The following BRD10 variants were observed in gnomAD, a reference collection of about 807,000 sequenced individuals.
BRD10 encodes the protein uncharacterized bromodomain-containing protein 10.
the BRD10 span, among the ~76,000 whole-genome samples, chr9:5,981,911 C>T: frequency 6.6e-6 from 1 of 152,046 alleles, no homozygotes. Context: ...AGATAAAAGA[C>T]CATACTTTGG....
At chr9:5,913,154 T>C in the BRD10 span, among the ~76,000 whole-genome samples, 5 of 152,188 alleles carry the variant, frequency 3.3e-5, no homozygotes, top group Non-Finnish European at 7.3e-5. Context: ...CTGCCCAGGT[T>C]AAAGTCAGTG....
chr9:5,978,909 G>A, the BRD10 span, among the ~76,000 whole-genome samples: 1 of 152,294 alleles, frequency 6.6e-6, no homozygotes, highest in East Asian at 1.9e-4. Context: ...TTACCTGTGA[G>A]GGGGTTTGAG....
At chr9:5,880,853 C>T in the BRD10 span, among the ~76,000 whole-genome samples, 10 of 151,934 alleles carry the variant, frequency 6.6e-5, no homozygotes, top group African/African-American at 1.9e-4. Context: ...TACAGGCGTG[C>T]GCCACCACGC....
the BRD10 span, among the ~76,000 whole-genome samples, chr9:5,907,663 T>C: frequency 6.6e-6 from 1 of 152,176 alleles, no homozygotes; most frequent in Non-Finnish European, 1.5e-5. Context: ...AATTTTAAAA[T>C]TACATATGGC....
the BRD10 span, chr9:6,007,788 G>A: frequency 1.3e-6 from 2 of 1,530,354 alleles, no homozygotes; most frequent in South Asian, 1.2e-5. Context: ...GCACACTCAT[G>A]CCCCGGCAGG....
At chr9:5,961,096 C>A in the BRD10 span, among the ~76,000 whole-genome samples, 1 of 152,108 alleles carries the variant, frequency 6.6e-6, no homozygotes, top group African/African-American at 2.4e-5. Flanking sequence ...AGTATATTCC[C>A]ACACAATGCA....
At chr9:5,995,637 G>C in the BRD10 span, among the ~76,000 whole-genome samples, 81 of 152,200 alleles carry the variant, frequency 5.3e-4, no homozygotes, top group Non-Finnish European at 5.6e-4. Flanking sequence ...GTTAGGAAAT[G>C]CAAAGGGTAT....
chr9:5,971,553 A>G, the BRD10 span, among the ~76,000 whole-genome samples: 1 of 152,220 alleles, frequency 6.6e-6, no homozygotes, highest in Non-Finnish European at 1.5e-5. Context: ...ACTTTGGCAA[A>G]TATCACAACT....
the BRD10 span, among the ~76,000 whole-genome samples, chr9:5,890,079 T>C: frequency 6.6e-6 from 1 of 152,148 alleles, no homozygotes; most frequent in East Asian, 1.9e-4. Context: ...GACCTGTGCC[T>C]AAAGACTCTT....
At chr9:5,941,209 A>T in the BRD10 span, among the ~76,000 whole-genome samples, 2 of 140,240 alleles carry the variant, frequency 1.4e-5, no homozygotes, top group African/African-American at 6.3e-5. Context: ...TTTCAAGTAC[A>T]ATAAGATCAG....
At chr9:5,988,505 C>A in the BRD10 span, 547 of 1,613,916 alleles carry the variant, frequency 3.4e-4, 4 homozygotes, top group Admixed American at 8.8e-3. Flanking sequence ...CCATAATAGC[C>A]TCTAGATGTA....
At chr9:5,952,174 C>T in the BRD10 span, among the ~76,000 whole-genome samples, 5 of 152,088 alleles carry the variant, frequency 3.3e-5, no homozygotes, top group Admixed American at 3.3e-4. Flanking sequence ...GCACATGCCA[C>T]CACACCCGGC....
chr9:5,921,717 G>T, the BRD10 span: 1 of 1,613,842 alleles, frequency 6.2e-7, no homozygotes, highest in Admixed American at 1.7e-5. Flanking sequence ...GCATTGTTTT[G>T]TCCAAAATTT....
chr9:5,965,056 T>TAAAAAAAAA, the BRD10 span, among the ~76,000 whole-genome samples: 34 of 118,204 alleles, frequency 2.9e-4, no homozygotes, highest in Non-Finnish European at 4.0e-4. Flanking sequence ...TAAAGTATAA[T>TAAAAAAAAA]AAAAAAAAAA....
the BRD10 span, chr9:6,008,364 G>A: frequency 1.6e-5 from 16 of 976,546 alleles, no homozygotes; most frequent in South Asian, 4.3e-4. Flanking sequence ...TGGGCGGTGA[G>A]GGGGGAGAAA....
chr9:5,958,133 C>A, the BRD10 span, among the ~76,000 whole-genome samples: 4 of 152,078 alleles, frequency 2.6e-5, no homozygotes, highest in Non-Finnish European at 5.9e-5. Flanking sequence ...ATTAATAAAC[C>A]TTAATAATAA....
chr9:5,881,891 G>A, the BRD10 span, among the ~76,000 whole-genome samples: 1 of 152,292 alleles, frequency 6.6e-6, no homozygotes, highest in South Asian at 2.1e-4. Flanking sequence ...CATGTGGCAG[G>A]CTCTGCGCCA....
At chr9:5,960,411 A>AAT in the BRD10 span, among the ~76,000 whole-genome samples, 1 of 152,042 alleles carries the variant, frequency 6.6e-6, no homozygotes, top group Non-Finnish European at 1.5e-5. Flanking sequence ...AAAATACAAA[A>AAT]ATTAGCCGGA....
At chr9:5,951,076 A>C in the BRD10 span, among the ~76,000 whole-genome samples, 100 of 127,400 alleles carry the variant, frequency 7.8e-4, no homozygotes, top group African/African-American at 2.2e-3. Flanking sequence ...ACACACACAC[A>C]CCCCCACCCC....
Sources: allele counts gnomAD v4.1 joint callset (sites outside exome capture counted in the v4.1 genomes callset), GRCh38; gene constraint gnomAD v4.1.1; transcripts MANE v1.5; gene names NCBI Gene and HGNC (gene_info 2026-07-23, HGNC 2026-07-21).